NSMCE2: variants seen among roughly 807,000 people sequenced by gnomAD.
NSMCE2 encodes the protein NSE2 SUMO ligase component of SMC5/6 complex.
A neutral mutation model predicts 23.8 loss-of-function variants in NSMCE2; 24 were observed. The ratio of observed to expected loss-of-function variants is 1.01; its 90% CI spans 0.73 to 1.42. The LOEUF (loss-of-function observed/expected upper bound fraction) is 1.42. Ranked by LOEUF, NSMCE2 falls within the 40% of genes most tolerant of loss-of-function variation. The probability of loss-of-function intolerance (pLI) is 0.00; values close to 1 mark genes in which losing one functional copy is unlikely to be tolerated. For synonymous variants in NSMCE2, 92 were observed against 94.1 expected (o/e 0.98, Z 0.13); for missense variants, 284 against 296.5 (o/e 0.96, Z 0.31).
In NSMCE2 at chr8:125,341,897, G is replaced by GAAA. The variant is rs61204647; in HGVS notation, c.419-15299_419-15297dup. Reference sequence around the variant, plus strand: ...GCAATGCACTGAGGATCTAGAAATGGAAAAAAAAAAAAAAAAAAAAAAAAA... The same window carrying GAAA: ...GCAATGCACTGAGGATCTAGAAATGGAAAAAAAAAAAAAAAAAAAAAAAAAAAA... On this transcript the variant is annotated intron_variant, in intron 5 of 7. Transcript: ENST00000287437. Among the ~76,000 whole-genome samples, 9 of 83,240 alleles carry GAAA rather than the reference G, an allele frequency of 1.1e-4. No individual in the cohort carries two copies. The East Asian group carries it at 1.2e-3, about 11-fold the overall frequency. The allele number at this position is 83,240 out of a possible 152,430, so 54.6% of individuals were successfully genotyped here. A position where few individuals can be genotyped will look rare whatever the true frequency, so the allele number is the denominator to read the frequency against.
intron 4 of NSMCE2, among the ~76,000 whole-genome samples, chr8:125,178,655 G>A (rs1410413866): frequency 1.3e-5 from 2 of 152,094 alleles, no homozygotes; most frequent in Admixed American, 1.3e-4. Flanking sequence ...CGGATCACGA[G>A]GTCAGGAGAT....
intron 5 of NSMCE2, among the ~76,000 whole-genome samples, chr8:125,325,718 G>A (rs535392305): frequency 3.9e-5 from 6 of 152,244 alleles, no homozygotes; most frequent in Middle Eastern, 3.4e-3. Flanking sequence ...TTGGAAGACC[G>A]AGGCAGGAGG....
chr8:125,201,199 G>A (rs1269575311), intron 5 of NSMCE2, among the ~76,000 whole-genome samples: 1 of 152,210 alleles, frequency 6.6e-6, no homozygotes, highest in Non-Finnish European at 1.5e-5. Context: ...TCTCCGTCCA[G>A]GTTTGTTCCA....
chr8:125,238,492 A>G (rs575859772), intron 5 of NSMCE2, among the ~76,000 whole-genome samples: 1 of 152,330 alleles, frequency 6.6e-6, no homozygotes, highest in South Asian at 2.1e-4. Flanking sequence ...TATAACTCTT[A>G]AGCAAATCCT....
intron 5 of NSMCE2, among the ~76,000 whole-genome samples, chr8:125,240,878 G>A (rs1403749752): frequency 6.6e-6 from 1 of 152,102 alleles, no homozygotes; most frequent in African/African-American, 2.4e-5. Flanking sequence ...ACAACTGCAT[G>A]GTATTCATGC....
chr8:125,106,972 A>C (rs1460495511), intron 3 of NSMCE2, among the ~76,000 whole-genome samples: 3 of 151,746 alleles, frequency 2.0e-5, no homozygotes, highest in Middle Eastern at 3.4e-3. Flanking sequence ...CTCCAGCCTA[A>C]GTGAAAGGGC....
At chr8:125,230,227 C>A (rs914689148) in intron 5 of NSMCE2, among the ~76,000 whole-genome samples, 1 of 152,192 alleles carries the variant, frequency 6.6e-6, no homozygotes, top group Non-Finnish European at 1.5e-5. Flanking sequence ...ACAAAAGGCT[C>A]ATGCTTTTCA....
intron 4 of NSMCE2, among the ~76,000 whole-genome samples, chr8:125,159,033 A>C (rs760083041): frequency 1.6e-4 from 25 of 152,228 alleles, no homozygotes; most frequent in Non-Finnish European, 2.6e-4. Flanking sequence ...AAATAAATAA[A>C]TAGCACCTCA....
chr8:125,179,507 A>G (rs1207133840), intron 4 of NSMCE2, among the ~76,000 whole-genome samples: 2 of 152,172 alleles, frequency 1.3e-5, no homozygotes, highest in African/African-American at 4.8e-5. Context: ...CATTTGTTTT[A>G]TTGATTTAAA....
At chr8:125,236,817 C>CTTT (rs926985848) in intron 5 of NSMCE2, among the ~76,000 whole-genome samples, 1 of 145,366 alleles carries the variant, frequency 6.9e-6, no homozygotes, top group African/African-American at 2.5e-5. Context: ...TTCTTTCTTT[C>CTTT]TTTTTTTTTT....
chr8:125,149,403 C>A (rs1392900110), intron 3 of NSMCE2, among the ~76,000 whole-genome samples: 1 of 151,090 alleles, frequency 6.6e-6, no homozygotes, highest in Non-Finnish European at 1.5e-5. Flanking sequence ...TGGTATTATT[C>A]TTCAGAGTAG....
chr8:125,326,108 T>G (rs972913208), intron 5 of NSMCE2, among the ~76,000 whole-genome samples: 6 of 151,714 alleles, frequency 4.0e-5, no homozygotes, highest in African/African-American at 1.5e-4. Context: ...ATACAAAAAA[T>G]TAGCTGGGTG....
chr8:125,320,272 G>T (rs1586763765), intron 5 of NSMCE2, among the ~76,000 whole-genome samples: 3 of 78,094 alleles, frequency 3.8e-5, no homozygotes, highest in Admixed American at 1.5e-4. Context: ...AAGGAAGGAA[G>T]GAAGGAAGGA....
chr8:125,128,302 GGTT>G (rs1373884521), intron 3 of NSMCE2, among the ~76,000 whole-genome samples: 1 of 152,210 alleles, frequency 6.6e-6, no homozygotes. Flanking sequence ...ACAGTTGGGA[GGTT>G]GTTGTAGTAG....
intron 5 of NSMCE2, among the ~76,000 whole-genome samples, chr8:125,278,396 G>A (rs1827558842): frequency 6.6e-6 from 1 of 152,178 alleles, no homozygotes; most frequent in Non-Finnish European, 1.5e-5. Flanking sequence ...GAAGTTGGGG[G>A]TGGCACAGAA....
Position 125,333,214 on chromosome 8 carries a change from G to A in NSMCE2, c.419-24005G>A, listed in dbSNP as rs577984097. On this transcript the variant is annotated intron_variant, in intron 5 of 7. Transcript: ENST00000287437. Reference sequence around the variant, plus strand: ...AAACAGAGTCTCGCTCTGTCGCCAAGGCTGAAATACAGTGGCACGATCACG... The same window carrying A: ...AAACAGAGTCTCGCTCTGTCGCCAAAGCTGAAATACAGTGGCACGATCACG... 5.3e-5 allele frequency among the ~76,000 whole-genome samples: 8 copies of A among 151,944 alleles called. No homozygotes were observed. The South Asian group carries it at 1.7e-3, about 32-fold the overall frequency.
chr8:125,357,467 G>C, intron 6 of NSMCE2, 148 bp downstream of exon 6: 2 of 674,760 alleles, frequency 3.0e-6, no homozygotes, highest in South Asian at 1.9e-5. Flanking sequence ...ATCCACGGGA[G>C]GTTCTTGGGC....
chr8:125,133,993 G>C (rs779001012), intron 3 of NSMCE2, among the ~76,000 whole-genome samples: 6 of 152,122 alleles, frequency 3.9e-5, no homozygotes, highest in Non-Finnish European at 8.8e-5. Flanking sequence ...GGCAGGACTC[G>C]AGAATTTGCA....
intron 5 of NSMCE2, among the ~76,000 whole-genome samples, chr8:125,284,197 T>A (rs1586717885): frequency 4.2e-5 from 6 of 141,300 alleles, no homozygotes; most frequent in South Asian, 2.2e-4. Context: ...ATTTAGAGAG[T>A]AAAAAAAAAA....
Sources: gnomAD v4.1 joint callset for allele counts (sites outside exome capture counted in the v4.1 genomes callset) on GRCh38, gnomAD v4.1.1 for gene constraint, MANE v1.5 for transcripts, NCBI Gene and HGNC (gene_info 2026-07-23, HGNC 2026-07-21) for gene names.